Variants in PNPO observed in about 807,000 individuals in gnomAD.
PNPO encodes the protein pyridoxine-5'-phosphate oxidase.
Under a neutral mutation model 35.0 loss-of-function variants are expected in PNPO, and 39 were observed. The observed-to-expected ratio is 1.11, with a 90% CI of 0.86 to 1.45. The LOEUF (loss-of-function observed/expected upper bound fraction) is 1.45. Among genes scored for constraint, PNPO ranks in the 40% most tolerant of loss-of-function variants. The pLI is 0.00. For synonymous variants in PNPO, 115 were observed against 119.8 expected (o/e 0.96, Z 0.26); for missense variants, 288 against 340.0 (o/e 0.85, Z 1.20).
In PNPO at chr17:47,945,513, C is replaced by T; in HGVS notation, c.364-46C>T. On this transcript the variant is annotated intron_variant, in intron 3 of 6. Transcript: ENST00000642017. The surrounding 1 kb of genome is among the most constrained non-coding windows in gnomAD (Gnocchi z 4.0). ...CTTTTCCCTGCATGCCGGAGGCCTC[C>T]TCTCCCTGTCCTGATGGCTGGCTGT... 1 of 1,534,810 alleles carries T rather than the reference C, an allele frequency of 6.5e-7. No homozygotes were observed. Among genetic ancestry groups the T allele is most frequent in the South Asian group, 1.1e-5 (1 of 89,412 alleles).
chr17:47,946,205 G>A, intron 5 of PNPO, 118 bp from the exon 6 acceptor site: 1 of 1,014,306 alleles, frequency 9.9e-7, no homozygotes. Flanking sequence ...ACTGCTCCTG[G>A]AGGACAGAGG....
In PNPO at chr17:47,944,649, G is replaced by GA; in HGVS notation, c.299dup (p.Phe102LeufsTer11). 1 of 1,614,190 alleles carries GA rather than the reference G, an allele frequency of 6.2e-7. No individual in the cohort carries two copies. The highest frequency in any genetic ancestry group is 8.5e-7 in the Non-Finnish European group (1 of 1,180,006). On this transcript the variant is annotated frameshift_variant, in exon 3 of 7. Transcript: ENST00000642017. LOFTEE classifies it high-confidence loss of function. ...AACCCTCTGCTCGCATGTTGCTGCT[G>GA]AAGGGCTTCGGGAAAGATGGCTTCC... is the stretch of plus-strand genomic sequence containing the variant.
Position 47,941,617 on chromosome 17 carries a change from C to G in PNPO, c.-59C>G. On this transcript the variant is annotated 5_prime_UTR_variant, in exon 1 of 7. Transcript: ENST00000642017. ...AGAAGTCCAGGGTGAGAAATTGGTT[C>G]CGAACTCAAAGGAACCCAGTGCCGG... 8 of 1,469,400 alleles carry G rather than the reference C, an allele frequency of 5.4e-6. No homozygotes were observed. The highest frequency in any genetic ancestry group is 7.3e-6 in the Non-Finnish European group (8 of 1,102,310). 91.0% of individuals were successfully genotyped at this position (1,469,400 alleles called of 1,614,324 possible). A position where few individuals can be genotyped will look rare whatever the true frequency, so the allele number is the denominator to read the frequency against.
chr17:47,941,951 A>AC (rs1436316776), intron 1 of PNPO, 138 bp downstream of exon 1: 47 of 1,344,336 alleles, frequency 3.5e-5, no homozygotes, highest in Middle Eastern at 5.5e-4. Context: ...TTTGAGGATC[A>AC]CCCCCCGTGG....
intron 1 of PNPO, chr17:47,942,056 G>A (rs1833903243): frequency 2.3e-6 from 3 of 1,298,906 alleles, no homozygotes; most frequent in Middle Eastern, 2.9e-4. Flanking sequence ...TAATGGGTAA[G>A]AGCTCGAACT....
chr17:47,942,803 G>A (rs2035958373), intron 1 of PNPO, among the ~76,000 whole-genome samples: 1 of 152,172 alleles, frequency 6.6e-6, no homozygotes, highest in African/African-American at 2.4e-5. Context: ...GAGCGTGCCT[G>A]TAATTCCAGC....
At chr17:47,946,296 C>T (rs757540775) in intron 5 of PNPO, 27 bp from the exon 6 acceptor site, 2 of 1,545,066 alleles carry the variant, frequency 1.3e-6, no homozygotes, top group Non-Finnish European at 1.8e-6. Flanking sequence ...GGGCCTGGCC[C>T]TTCTTCTAAC....
chr17:47,946,647 G>A lies in PNPO; in HGVS notation c.651G>A (p.Glu217=), dbSNP rs1355932139. ...GGYVLYPQVM[E]FWQGQTNRLH... is the part of the protein sequence containing the mutation. ...ATGTCCTGTACCCTCAGGTGATGGA[G>A]TTCTGGCAAGGTCAAACCAACCGCC... is the stretch of plus-strand genomic sequence containing the variant. The change falls in exon 7 of 7, where the codon GAG becomes GAA. Residue 217 remains glutamate (E), a synonymous_variant. Coordinates refer to ENST00000642017, the MANE Select transcript of PNPO (RefSeq NM_018129.4). 18 of 1,614,100 alleles carry A rather than the reference G, an allele frequency of 1.1e-5. No homozygotes were observed. Among genetic ancestry groups the A allele is most frequent in the Non-Finnish European group, 1.4e-5 (16 of 1,180,030 alleles).
In PNPO at chr17:47,943,259, G is replaced by A. The variant is rs199972729; in HGVS notation, c.139-47G>A. 2.0e-6 allele frequency: 3 copies of A among 1,511,314 alleles called. No individual in the cohort carries two copies. The East Asian group carries it at 6.8e-5, about 34-fold the overall frequency. The allele number at this position is 1,511,314 out of a possible 1,614,324, so 93.6% of individuals were successfully genotyped here. On this transcript the variant is annotated intron_variant, in intron 1 of 6. Transcript: ENST00000642017. ...TGACTAGAACAGTGCCAGGTCCATA[G>A]TAAGCACTATATATGTTTATTAAAT...
intron 2 of PNPO, among the ~76,000 whole-genome samples, chr17:47,944,249 G>C (rs1169006774): frequency 6.7e-6 from 1 of 149,794 alleles, no homozygotes; most frequent in African/African-American, 2.5e-5. Context: ...TGGAGGGCAA[G>C]GGAGGTGGTT....
chr17:47,946,286 G>T, intron 5 of PNPO, 37 bp from the exon 6 acceptor site: 1 of 1,461,132 alleles, frequency 6.8e-7, no homozygotes, highest in Non-Finnish European at 9.6e-7. Context: ...ATCATTGACT[G>T]GGCCTGGCCC....
In PNPO at chr17:47,945,172, C is replaced by T. The variant is rs77425932; in HGVS notation, c.364-387C>T. 1.6e-3 allele frequency: 596 copies of T among 381,570 alleles called. 8 individuals carry two copies. The East Asian group carries it at 0.033, about 21-fold the overall frequency. 23.6% of individuals were successfully genotyped at this position (381,570 alleles called of 1,614,324 possible). A position where few individuals can be genotyped will look rare whatever the true frequency, so the allele number is the denominator to read the frequency against. Reference sequence around the variant, plus strand: ...TTTTATCTCTGCTGTATCCCCCGCACGTCTCCTGTTGTCAGACCCAGAGTG... The same window carrying T: ...TTTTATCTCTGCTGTATCCCCCGCATGTCTCCTGTTGTCAGACCCAGAGTG... On this transcript the variant is annotated intron_variant, in intron 3 of 6. Coordinates refer to ENST00000642017, the MANE Select transcript of PNPO (RefSeq NM_018129.4). The surrounding 1 kb of genome is among the most constrained non-coding windows in gnomAD (Gnocchi z 4.0).
intron 1 of PNPO, among the ~76,000 whole-genome samples, chr17:47,942,652 T>C (rs367586449): frequency 2.0e-4 from 30 of 152,306 alleles, no homozygotes; most frequent in African/African-American, 5.1e-4. Flanking sequence ...CTTTTAGGAA[T>C]TGGGGTCCAG....
chr17:47,941,775 C>CCCCA lies in PNPO; in HGVS notation c.100_101insCCCA (p.Leu34ProfsTer17). On this transcript the variant is annotated frameshift_variant, in exon 1 of 7. Transcript: ENST00000642017. LOFTEE classifies it high-confidence loss of function. Reference sequence around the variant, plus strand: ...GTGTGGTCGCAGTGCTGCCATGGACCTGGGACCCATGCGCAAGAGTTACCG... The same window carrying CCCCA: ...GTGTGGTCGCAGTGCTGCCATGGACCCCCATGGGACCCATGCGCAAGAGTTACCG... 6.4e-7 allele frequency: 1 copy of CCCCA among 1,569,060 alleles called. No individual in the cohort carries two copies.
chr17:47,946,197 T>G lies in PNPO; in HGVS notation c.547-126T>G, dbSNP rs552735524. 189 of 1,001,824 alleles carry G rather than the reference T, an allele frequency of 1.9e-4. 3 individuals are homozygous for G. The South Asian group carries it at 2.4e-3, about 13-fold the overall frequency. The allele number at this position is 1,001,824 out of a possible 1,614,324, so 62.1% of individuals were successfully genotyped here. ...CTGTCCATCTGGCCATCCTGTTGAC[T>G]GCTCCTGGAGGACAGAGGCCAGTCT... On this transcript the variant is annotated intron_variant, in intron 5 of 6. Coordinates refer to ENST00000642017, the MANE Select transcript of PNPO (RefSeq NM_018129.4).
At chr17:47,941,852 GA>G (rs1210300109) in intron 1 of PNPO, 39 bp downstream of exon 1, 5 of 1,535,194 alleles carry the variant, frequency 3.3e-6, no homozygotes, top group Admixed American at 2.0e-5. Flanking sequence ...AGGGGCGGGG[GA>G]AAAGGGGTCC....
At chr17:47,944,546 T>G in intron 2 of PNPO, 70 bp from the exon 3 acceptor site, 1 of 1,204,454 alleles carries the variant, frequency 8.3e-7, no homozygotes, top group Non-Finnish European at 1.2e-6. Context: ...GAGACATCCT[T>G]TGGGGAGAGG....
intron 2 of PNPO, 40 bp downstream of exon 2, chr17:47,943,470 T>C: frequency 6.2e-7 from 1 of 1,610,150 alleles, no homozygotes; most frequent in Non-Finnish European, 8.5e-7. Context: ...TGGATACATA[T>C]GAACTAGGAA....
In PNPO at chr17:47,945,806, G is replaced by A. The variant is rs1337495114; in HGVS notation, c.418-55G>A. The A allele has an allele frequency of 6.9e-6, 11 of 1,598,598 alleles. No homozygotes were observed. In the African/African-American group the frequency reaches 1.2e-4, roughly 18 times the overall value. Reference sequence around the variant, plus strand: ...AACAGAGAGGAACGGGGCCTGTGCTGGTAGGGAGGGCAGGTGGCATTTAAT... The same window carrying A: ...AACAGAGAGGAACGGGGCCTGTGCTAGTAGGGAGGGCAGGTGGCATTTAAT... On this transcript the variant is annotated intron_variant, in intron 4 of 6. Transcript: ENST00000642017. This position sits in a 1 kb window ranked among gnomAD's most constrained non-coding sequence, Gnocchi z 4.0.
Sources: allele counts gnomAD v4.1 joint callset (sites outside exome capture counted in the v4.1 genomes callset), GRCh38; gene constraint gnomAD v4.1.1; non-coding constraint Gnocchi (gnomAD v3.1); transcripts MANE v1.5; gene names NCBI Gene and HGNC (gene_info 2026-07-23, HGNC 2026-07-21).